The following PHACTR2 variants were observed in gnomAD, a reference collection of about 807,000 sequenced individuals.
The protein encoded by PHACTR2 is phosphatase and actin regulator 2.
A neutral mutation model predicts 76.0 loss-of-function variants in PHACTR2; 30 were observed. The observed-to-expected ratio is 0.39, with a 90% CI of 0.30 to 0.54. The LOEUF is 0.54. Among genes scored for constraint, PHACTR2 ranks in the 20% least tolerant of loss-of-function variants. The pLI is 0.61. For missense variants in PHACTR2, 696 were observed against 781.1 expected (o/e 0.89, Z 1.30); for synonymous variants, 292 against 292.5 (o/e 1.00, Z 0.02).
rs1482836897 is a variant in PHACTR2, at chr6:143,684,828, T to G, written c.46+6619T>G. Among the ~76,000 whole-genome samples, 1 of 152,238 alleles carries G rather than the reference T, an allele frequency of 6.6e-6. No homozygotes were observed. Among genetic ancestry groups the G allele is most frequent in the Non-Finnish European group, 1.5e-5 (1 of 68,036 alleles). The stretch of plus-strand genomic sequence containing the variant: ...TTCTGCAGTCAACACTCTACACAAC[T>G]GTACATGACCACAATGCTGTGCATA... On this transcript the variant is annotated intron_variant, in intron 1 of 12. Coordinates refer to ENST00000440869, the MANE Select transcript of PHACTR2 (RefSeq NM_001100164.2). This position sits in a 1 kb window ranked among gnomAD's most constrained non-coding sequence, Gnocchi z 4.3.
chr6:143,545,107 C>A lies in PHACTR2; in HGVS notation c.217+7900C>A, dbSNP rs143207426. Among the ~76,000 whole-genome samples the A allele has an allele frequency of 8.6e-3, 1,305 of 152,142 alleles. 18 individuals carry two copies. Among genetic ancestry groups the A allele is most frequent in the African/African-American group, 0.03 (1,249 of 41,482 alleles). On this transcript the variant is annotated intron_variant, in intron 1 of 11. Transcript: ENST00000367584. ...TACAGGCATGTGCCATCATGCCTGG[C>A]TAATTGTTGTATTTTTGGGTAGAGA... is the stretch of plus-strand genomic sequence containing the variant.
intron 1 of PHACTR2, among the ~76,000 whole-genome samples, chr6:143,670,807 G>A (rs1777140453): frequency 6.6e-6 from 1 of 152,102 alleles, no homozygotes; most frequent in Non-Finnish European, 1.5e-5. Flanking sequence ...TTAGCTCAGA[G>A]GAGTTTATTA....
chr6:143,651,492 G>A (rs181518903), intron 1 of PHACTR2, among the ~76,000 whole-genome samples: 21 of 152,192 alleles, frequency 1.4e-4, no homozygotes, highest in Middle Eastern at 6.8e-3. Context: ...TATATACACC[G>A]TGGAATACTA....
intron 1 of PHACTR2, among the ~76,000 whole-genome samples, chr6:143,622,260 C>T (rs1019894217): frequency 7.2e-5 from 11 of 152,170 alleles, no homozygotes; most frequent in African/African-American, 2.4e-4. Flanking sequence ...AAGCCCAAAA[C>T]GTCACACAAG....
At chr6:143,797,339 A>T (rs1775849040) in intron 11 of PHACTR2, among the ~76,000 whole-genome samples, 1 of 151,958 alleles carries the variant, frequency 6.6e-6, no homozygotes, top group African/African-American at 2.4e-5. Flanking sequence ...GATTGCAAAA[A>T]TTTTCTCCCA....
At position 143,680,511 on chromosome 6, in the gene PHACTR2, T is replaced by C. The variant is rs1034601995; in HGVS notation, c.46+2302T>C. Among the ~76,000 whole-genome samples the C allele has an allele frequency of 1.1e-4, 16 of 152,250 alleles. No individual in the cohort carries two copies. The highest frequency in any genetic ancestry group is 3.9e-4 in the African/African-American group (16 of 41,474). On this transcript the variant is annotated intron_variant, in intron 1 of 12. Coordinates refer to ENST00000440869, the MANE Select transcript of PHACTR2 (RefSeq NM_001100164.2). This position sits in a 1 kb window ranked among gnomAD's most constrained non-coding sequence, Gnocchi z 4.5. ...AAAATCTTCATTATAGGCTAGAAGT[T>C]AGCTTGCTTTCCCCGTTTTGACTTT...
chr6:143,748,231 A>G (rs187053394), intron 2 of PHACTR2, among the ~76,000 whole-genome samples: 1 of 152,220 alleles, frequency 6.6e-6, no homozygotes. Flanking sequence ...ATGACCAGCT[A>G]ATTTTTGTAT....
chr6:143,707,948 A>T (rs1778090761), intron 1 of PHACTR2, among the ~76,000 whole-genome samples: 1 of 152,144 alleles, frequency 6.6e-6, no homozygotes, highest in African/African-American at 2.4e-5. Context: ...ACTTTTAAAC[A>T]ACTGGAATTC....
Position 143,571,823 on chromosome 6 carries a change from T to A in PHACTR2, c.217+34616T>A, listed in dbSNP as rs533987029. On this transcript the variant is annotated intron_variant, in intron 1 of 11. Transcript: ENST00000367584. The surrounding 1 kb of genome is among the most constrained non-coding windows in gnomAD (Gnocchi z 4.6). ...CTGCTTTAGAATCAGTCTTTTCTCC[T>A]ATGAGCCCTGCTTTCAGTATTATTT... Among the ~76,000 whole-genome samples the A allele has an allele frequency of 2.4e-4, 36 of 152,328 alleles. 1 individual carries two copies. The East Asian group carries it at 6.9e-3, about 29-fold the overall frequency.
In PHACTR2 at chr6:143,757,479, G is replaced by C. The variant is rs974674104; in HGVS notation, c.455-2922G>C. 6.6e-6 allele frequency among the ~76,000 whole-genome samples: 1 copy of C among 152,230 alleles called. No individual in the cohort carries two copies. The highest frequency in any genetic ancestry group is 1.5e-5 in the Non-Finnish European group (1 of 68,044). On this transcript the variant is annotated intron_variant, in intron 4 of 12. Transcript: ENST00000440869. This position sits in a 1 kb window ranked among gnomAD's most constrained non-coding sequence, Gnocchi z 4.2. The stretch of plus-strand genomic sequence containing the variant: ...GGGTAAGAATTGCATTCTAGGCAGG[G>C]TGAGGACCACATGCAGCCCCAGGCT...
At position 143,696,144 on chromosome 6, in the gene PHACTR2, T is replaced by C. The variant is rs1355516514; in HGVS notation, c.47-15872T>C. Among the ~76,000 whole-genome samples, 8 of 152,248 alleles carry C rather than the reference T, an allele frequency of 5.3e-5. No individual in the cohort carries two copies. The highest frequency in any genetic ancestry group is 1.9e-4 in the African/African-American group (8 of 41,472). On this transcript the variant is annotated intron_variant, in intron 1 of 12. Transcript: ENST00000440869. This position sits in a 1 kb window ranked among gnomAD's most constrained non-coding sequence, Gnocchi z 4.1. ...ACTCTTAGCTCCTCTCTCATTCTTG[T>C]ATATGATGTCAACCTTCTTGCTTAG...
In PHACTR2 at chr6:143,665,643, A is replaced by G. The variant is rs548874907; in HGVS notation, c.14-46373A>G. Among the ~76,000 whole-genome samples, 5 of 152,294 alleles carry G rather than the reference A, an allele frequency of 3.3e-5. No homozygotes were observed. The East Asian group carries it at 9.7e-4, about 29-fold the overall frequency. ...TTTTCAAAATGAACCCAGAATCCAG[A>G]TGCATTTCATTACACCCACTGCTAC... is the stretch of plus-strand genomic sequence containing the variant. On this transcript the variant is annotated intron_variant, in intron 1 of 11. Transcript: ENST00000305766.
At chr6:143,563,551 C>CAAAAAAAAAAAACAAAAAAAAAAAAA (rs1562685316) in intron 1 of PHACTR2, among the ~76,000 whole-genome samples, 1 of 29,950 alleles carries the variant, frequency 3.3e-5, no homozygotes, top group African/African-American at 8.3e-5. Context: ...AACTCCGTCT[C>CAAAAAAAAAAAACAAAAAAAAAAAAA]AAAAAAAAAA....
chr6:143,734,100 A>G (rs959222466), intron 2 of PHACTR2, among the ~76,000 whole-genome samples: 6 of 152,170 alleles, frequency 3.9e-5, no homozygotes, highest in African/African-American at 1.4e-4. Context: ...TTTATGGAGC[A>G]TTTATTATTC....
rs778036936 is a variant in PHACTR2, at chr6:143,714,636, A to G, written c.214+2453A>G. On this transcript the variant is annotated intron_variant, in intron 2 of 12. Coordinates refer to ENST00000440869, the MANE Select transcript of PHACTR2 (RefSeq NM_001100164.2). ...AAGCAGAAAGTTTCCAATATCTTCA[A>G]CTCTGATTTAGGCTGTTCAGTGTCT... 2.3e-4 allele frequency among the ~76,000 whole-genome samples: 35 copies of G among 152,048 alleles called. 1 individual carries two copies. Among genetic ancestry groups the G allele is most frequent in the Admixed American group, 5.2e-4 (8 of 15,270 alleles).
Position 143,544,244 on chromosome 6 carries a change from G to C in PHACTR2, c.217+7037G>C, listed in dbSNP as rs899871886. 8.9e-5 allele frequency among the ~76,000 whole-genome samples: 13 copies of C among 145,448 alleles called. No individual in the cohort carries two copies. In the East Asian group the frequency reaches 1.9e-3, roughly 21 times the overall value. The stretch of plus-strand genomic sequence containing the variant: ...ACCTTCATTCCAGGAGGGAGGGAGG[G>C]AGGGAGTGGGAAGGAAGGAAGGCGG... On this transcript the variant is annotated intron_variant, in intron 1 of 11. Coordinates refer to the PHACTR2 transcript ENST00000367584.
At position 143,557,739 on chromosome 6, in the gene PHACTR2, C is replaced by T. The variant is rs1775199155; in HGVS notation, c.217+20532C>T. On this transcript the variant is annotated intron_variant, in intron 1 of 11. Transcript: ENST00000367584. The surrounding 1 kb of genome is among the most constrained non-coding windows in gnomAD (Gnocchi z 5.5). ...CCACCCTCCTTCGTCAGCATGCTGCCACCTTTGAAACACAGGCGTGTTGTT... is the reference window on the plus strand; with the variant it reads ...CCACCCTCCTTCGTCAGCATGCTGCTACCTTTGAAACACAGGCGTGTTGTT... 1 of 152,166 alleles carries T rather than the reference C, an allele frequency of 6.6e-6. No individual in the cohort carries two copies. The highest frequency in any genetic ancestry group is 2.1e-4 in the South Asian group (1 of 4,828). 9.4% of individuals were successfully genotyped at this position (152,166 alleles called of 1,614,324 possible). A position where few individuals can be genotyped will look rare whatever the true frequency, so the allele number is the denominator to read the frequency against.
chr6:143,672,733 A>C lies in PHACTR2; in HGVS notation c.14-39283A>C, dbSNP rs186660071. On this transcript the variant is annotated intron_variant, in intron 1 of 11. Transcript: ENST00000305766. This position sits in a 1 kb window ranked among gnomAD's most constrained non-coding sequence, Gnocchi z 5.8. Reference sequence around the variant, plus strand: ...TTTTTATTTTTATTTTTATTTATTTATTTCTTTTTGAGACAGAGTCTCACT... The same window carrying C: ...TTTTTATTTTTATTTTTATTTATTTCTTTCTTTTTGAGACAGAGTCTCACT... Among the ~76,000 whole-genome samples the C allele has an allele frequency of 3.0e-3, 449 of 151,740 alleles. 3 individuals are homozygous for C. The highest frequency in any genetic ancestry group is 4.6e-3 in the Non-Finnish European group (311 of 67,902).
chr6:143,605,438 G>T (rs1562245731), upstream of PHACTR2, among the ~76,000 whole-genome samples: 1 of 152,180 alleles, frequency 6.6e-6, no homozygotes, highest in African/African-American at 2.4e-5. This position sits in a 1 kb window ranked among gnomAD's most constrained non-coding sequence, Gnocchi z 5.0. Context: ...TTAATTGTGG[G>T]TGTGAATTAA....
Sources: gnomAD v4.1 joint callset for allele counts (sites outside exome capture counted in the v4.1 genomes callset) on GRCh38, gnomAD v4.1.1 for gene constraint, Gnocchi (gnomAD v3.1) non-coding constraint, MANE v1.5 for transcripts, NCBI Gene and HGNC (gene_info 2026-07-23, HGNC 2026-07-21) for gene names.